Variants in TULP4 observed in about 807,000 individuals in gnomAD.
TULP4 encodes the protein tubby-related protein 4.
TULP4 carries 16 observed loss-of-function variants against 129.0 expected under a neutral mutation model. The observed-to-expected ratio is 0.12, with a 90% CI of 0.08 to 0.19. The LOEUF is 0.19. Among genes scored for constraint, TULP4 ranks in the 10% least tolerant of loss-of-function variants. TULP4 has a pLI of 1.00. For synonymous variants in TULP4, 998 were observed against 854.0 expected (o/e 1.17, Z -2.94); for missense variants, 1,842 against 2,059.1 (o/e 0.89, Z 2.04).
intron 1 of TULP4, among the ~76,000 whole-genome samples, chr6:158,386,580 T>C (rs1777453915): frequency 6.6e-6 from 1 of 152,214 alleles, no homozygotes; most frequent in Non-Finnish European, 1.5e-5. Flanking sequence ...ATTGTAACTG[T>C]TATATGTAAG....
chr6:158,446,192 A>G (rs1346255388), intron 3 of TULP4, among the ~76,000 whole-genome samples: 1 of 152,214 alleles, frequency 6.6e-6, no homozygotes, highest in Non-Finnish European at 1.5e-5. Flanking sequence ...AGAGATTTTT[A>G]AAAATCTGAT....
intron 1 of TULP4, among the ~76,000 whole-genome samples, chr6:158,344,322 G>A (rs1754411): frequency 0.86 from 131,090 of 152,248 alleles, 56,877 homozygotes; most frequent in South Asian, 0.93. Context: ...CCTGTGTGGT[G>A]GACTCTCTTC....
At chr6:158,325,478 G>T (rs376805826) in intron 1 of TULP4, among the ~76,000 whole-genome samples, 4 of 150,074 alleles carry the variant, frequency 2.7e-5, no homozygotes, top group Non-Finnish European at 1.5e-5. Context: ...TTAGCCTCCC[G>T]AGTAGCTGGG....
chr6:158,359,015 C>A (rs1231599851), intron 1 of TULP4, among the ~76,000 whole-genome samples: 1 of 152,174 alleles, frequency 6.6e-6, no homozygotes, highest in Non-Finnish European at 1.5e-5. Flanking sequence ...CAGCCATGTA[C>A]ATTACATGCA....
chr6:158,405,789 G>A (rs1192040028), intron 1 of TULP4, among the ~76,000 whole-genome samples: 1 of 152,126 alleles, frequency 6.6e-6, no homozygotes, highest in Non-Finnish European at 1.5e-5. Flanking sequence ...TCCCGGACAT[G>A]TTCCAAGAAT....
In TULP4 at chr6:158,428,725, C is replaced by G. The variant is rs570816612; in HGVS notation, c.382-1011C>G. On this transcript the variant is annotated intron_variant, in intron 2 of 13. Coordinates refer to ENST00000367097, the MANE Select transcript of TULP4 (RefSeq NM_020245.5). ...TGTTTTGGTAAGGGACCAACAGACTCTGATGGAGAATCTATTACTAACCAT... is the reference window on the plus strand; with the variant it reads ...TGTTTTGGTAAGGGACCAACAGACTGTGATGGAGAATCTATTACTAACCAT... Among the ~76,000 whole-genome samples the G allele has an allele frequency of 1.9e-4, 29 of 152,090 alleles. 1 individual carries two copies. The highest frequency in any genetic ancestry group is 1.8e-4 in the Non-Finnish European group (12 of 67,992).
intron 6 of TULP4, among the ~76,000 whole-genome samples, chr6:158,473,690 C>A (rs1441493388): frequency 1.3e-5 from 2 of 151,092 alleles, no homozygotes; most frequent in Non-Finnish European, 1.5e-5. Context: ...GGCTAATTTT[C>A]TTGTATTTTT....
At chr6:158,315,785 C>T (rs1052391737) in intron 1 of TULP4, among the ~76,000 whole-genome samples, 5 of 152,240 alleles carry the variant, frequency 3.3e-5, no homozygotes, top group African/African-American at 1.2e-4. Context: ...AATGGCACCT[C>T]GTTCCTGTGT....
At chr6:158,240,031 C>T (rs1272810572) in intron 1 of TULP4, among the ~76,000 whole-genome samples, 147 of 111,796 alleles carry the variant, frequency 1.3e-3, no homozygotes, top group African/African-American at 4.6e-3. Context: ...GGCGGCTGGC[C>T]GGGCGGGGGG....
chr6:158,288,816 A>G (rs559171282), intron 1 of TULP4, among the ~76,000 whole-genome samples: 117 of 152,298 alleles, frequency 7.7e-4, no homozygotes, highest in African/African-American at 2.6e-3. Flanking sequence ...GTTGAATTTT[A>G]GGATACTTTT....
intron 1 of TULP4, among the ~76,000 whole-genome samples, chr6:158,370,457 CAAAAAA>C (rs533005080): frequency 1.7e-4 from 5 of 28,900 alleles, no homozygotes; most frequent in South Asian, 5.3e-3. Context: ...AACTCCATCT[CAAAAAA>C]AAAAAAAAAA....
intron 3 of TULP4, among the ~76,000 whole-genome samples, chr6:158,444,362 G>A (rs1778983445): frequency 6.8e-6 from 1 of 147,518 alleles, no homozygotes; most frequent in Admixed American, 6.9e-5. Flanking sequence ...AGCTACACAT[G>A]CGTGCCACCA....
chr6:158,408,983 A>G (rs1049862088), intron 1 of TULP4, among the ~76,000 whole-genome samples: 4 of 152,336 alleles, frequency 2.6e-5, no homozygotes, highest in South Asian at 4.1e-4. Flanking sequence ...CATTTGTTTT[A>G]GGTTGAGAGA....
intron 7 of TULP4, 109 bp downstream of exon 7, chr6:158,480,084 G>A: frequency 1.2e-6 from 1 of 817,040 alleles, no homozygotes; most frequent in South Asian, 1.7e-5. Context: ...GGGGCCATGT[G>A]CAGCTGTGCA....
chr6:158,240,357 C>T (rs1312160181), intron 1 of TULP4, among the ~76,000 whole-genome samples: 2 of 81,276 alleles, frequency 2.5e-5, no homozygotes, highest in African/African-American at 8.4e-5. Context: ...GACTCCCCCA[C>T]CTCCCTCCCG....
chr6:158,335,104 G>C (rs1039696458), intron 1 of TULP4, among the ~76,000 whole-genome samples: 20 of 151,870 alleles, frequency 1.3e-4, no homozygotes, highest in East Asian at 9.7e-4. Flanking sequence ...GGTGAAACCC[G>C]GTCTCTACTA....
intron 1 of TULP4, among the ~76,000 whole-genome samples, chr6:158,258,773 G>A (rs536876903): frequency 2.6e-5 from 4 of 152,266 alleles, no homozygotes; most frequent in South Asian, 2.1e-4. Flanking sequence ...GAACAAATTC[G>A]GAAGCTGCTT....
intron 1 of TULP4, among the ~76,000 whole-genome samples, chr6:158,341,923 T>A (rs886459561): frequency 6.6e-6 from 1 of 152,152 alleles, no homozygotes; most frequent in Non-Finnish European, 1.5e-5. Flanking sequence ...TTGATGTGAT[T>A]CCCCGCCGCC....
Position 158,252,665 on chromosome 6 carries a change from C to T in TULP4, n.68+20362C>T, listed in dbSNP as rs568709170. 1.6e-4 allele frequency among the ~76,000 whole-genome samples: 24 copies of T among 152,192 alleles called. 1 individual carries two copies. The highest frequency in any genetic ancestry group is 8.3e-4 in the South Asian group (4 of 4,828). The stretch of plus-strand genomic sequence containing the variant: ...CTGGGATTACAGGTGTGAGCCACCG[C>T]GCCCAGCCAGCATCTTACATAACTA... On this transcript the variant is annotated intron_variant and non_coding_transcript_variant, in intron 1 of 1. Coordinates refer to the TULP4 transcript ENST00000620026.
Sources: allele counts gnomAD v4.1 joint callset (sites outside exome capture counted in the v4.1 genomes callset), GRCh38; gene constraint gnomAD v4.1.1; transcripts MANE v1.5; gene names NCBI Gene and HGNC (gene_info 2026-07-23, HGNC 2026-07-21).